Variants in OSBPL1A observed in about 807,000 individuals in gnomAD.
OSBPL1A encodes the protein oxysterol binding protein like 1A.
OSBPL1A carries 80 observed loss-of-function variants against 137.1 expected under a neutral mutation model. The ratio of observed to expected loss-of-function variants is 0.58; its 90% confidence interval spans 0.49 to 0.70. The LOEUF is 0.70. OSBPL1A is among the 30% of genes least tolerant of loss of function. OSBPL1A has a pLI of 0.00. For missense variants in OSBPL1A, 970 were observed against 1,129.4 expected (o/e 0.86, Z 2.02); for synonymous variants, 365 against 389.7 (o/e 0.94, Z 0.75).
intron 2 of OSBPL1A, among the ~76,000 whole-genome samples, chr18:24,370,135 C>T (rs1905508126): frequency 6.6e-6 from 1 of 152,184 alleles, no homozygotes; most frequent in Non-Finnish European, 1.5e-5. Context: ...GGCGGAGGAT[C>T]ACCAGAGCCC....
At chr18:24,214,403 T>C (rs1305118427) in intron 17 of OSBPL1A, among the ~76,000 whole-genome samples, 1 of 152,234 alleles carries the variant, frequency 6.6e-6, no homozygotes, top group Non-Finnish European at 1.5e-5. Flanking sequence ...AGCACACATC[T>C]ACTAACATCT....
At chr18:24,289,656 G>T (rs917880785) in intron 14 of OSBPL1A, among the ~76,000 whole-genome samples, 1 of 152,020 alleles carries the variant, frequency 6.6e-6, no homozygotes, top group African/African-American at 2.4e-5. Flanking sequence ...CCTGACCTCA[G>T]GTGATCTGCC....
rs142108890 is a variant in OSBPL1A at position 24,231,057 on chromosome 18, G to C, written c.1445-5859C>G. On this transcript the variant is annotated intron_variant, in intron 16 of 27. Transcript: ENST00000319481. ...CTTAAGCCCAGGAGTTTGAGACTGGGCAACAGAGCGAGACCCTGTCTCTCA... is the reference window on the plus strand; with the variant it reads ...CTTAAGCCCAGGAGTTTGAGACTGGCCAACAGAGCGAGACCCTGTCTCTCA... Among the ~76,000 whole-genome samples the C allele has an allele frequency of 3.3e-5, 5 of 152,232 alleles. No homozygotes were observed. In the East Asian group the frequency reaches 9.7e-4, roughly 29 times the overall value.
Position 24,395,767 on chromosome 18 carries a change from G to A in OSBPL1A, c.-3+1888C>T, listed in dbSNP as rs537732605. On this transcript the variant is annotated intron_variant, in intron 1 of 27. Coordinates refer to ENST00000319481, the MANE Select transcript of OSBPL1A (RefSeq NM_080597.4). ...CTCCCAAGTGGCTGGAATTACAGGCGCCCACTACCACGCCCGGCTAATTTT... is the reference window on the plus strand; with the variant it reads ...CTCCCAAGTGGCTGGAATTACAGGCACCCACTACCACGCCCGGCTAATTTT... Among the ~76,000 whole-genome samples, 4 of 151,720 alleles carry A rather than the reference G, an allele frequency of 2.6e-5. No individual in the cohort carries two copies. The South Asian group carries it at 6.3e-4, about 24-fold the overall frequency.
intron 12 of OSBPL1A, 65 bp from the exon 13 acceptor site, chr18:24,312,171 A>C (rs940265708): frequency 1.9e-6 from 3 of 1,584,566 alleles, no homozygotes; most frequent in Non-Finnish European, 8.6e-7. Context: ...ATAATATTAC[A>C]ATGATCTGAT....
chr18:24,196,007 C>T (rs971444613), intron 18 of OSBPL1A, 118 bp downstream of exon 18: 15 of 781,552 alleles, frequency 1.9e-5, no homozygotes, highest in African/African-American at 1.4e-4. Context: ...TTATGATTCT[C>T]GTACGTTCCC....
Position 24,341,426 on chromosome 18 carries a change from T to C in OSBPL1A, c.394+121A>G. ...TTAATCAATGACTCCAAGATGACATTATCATTAGAGCATCAGCTGGTTATC... is the reference window on the plus strand; with the variant it reads ...TTAATCAATGACTCCAAGATGACATCATCATTAGAGCATCAGCTGGTTATC... On this transcript the variant is annotated intron_variant, in intron 5 of 27. Coordinates refer to ENST00000319481, the MANE Select transcript of OSBPL1A (RefSeq NM_080597.4). 9 of 665,612 alleles carry C rather than the reference T, an allele frequency of 1.4e-5. No homozygotes were observed. In the South Asian group the frequency reaches 1.6e-4, roughly 12 times the overall value. The allele number at this position is 665,612 out of a possible 1,614,324, so 41.2% of individuals were successfully genotyped here.
chr18:24,254,186 CCAGA>C (rs1204007010), intron 15 of OSBPL1A, among the ~76,000 whole-genome samples: 1 of 152,124 alleles, frequency 6.6e-6, no homozygotes, highest in Non-Finnish European at 1.5e-5. Context: ...TGCTGGAGCA[CCAGA>C]TATATAAAGC....
chr18:24,183,451 A>C (rs2086662947), intron 18 of OSBPL1A, among the ~76,000 whole-genome samples: 1 of 138,318 alleles, frequency 7.2e-6, no homozygotes, highest in South Asian at 2.2e-4. Context: ...TTTTTTTTTG[A>C]GGCGGAGTTT....
intron 7 of OSBPL1A, among the ~76,000 whole-genome samples, chr18:24,319,207 C>G (rs2090795515): frequency 6.6e-6 from 1 of 152,190 alleles, no homozygotes; most frequent in African/African-American, 2.4e-5. Context: ...CTTCTAGCGG[C>G]CAACTACCTG....
intron 13 of OSBPL1A, among the ~76,000 whole-genome samples, chr18:24,307,158 C>T (rs1043195647): frequency 6.6e-6 from 1 of 151,876 alleles, no homozygotes; most frequent in Non-Finnish European, 1.5e-5. Context: ...TGGCACATGC[C>T]TATAGTCTCA....
chr18:24,224,903 A>T, intron 17 of OSBPL1A, 139 bp downstream of exon 17: 1 of 1,118,296 alleles, frequency 8.9e-7, no homozygotes, highest in Non-Finnish European at 1.3e-6. Context: ...TGCTTAAGTT[A>T]AATGCTTTCT....
intron 4 of OSBPL1A, among the ~76,000 whole-genome samples, chr18:24,359,609 C>G (rs1417625224): frequency 6.6e-6 from 1 of 151,646 alleles, no homozygotes; most frequent in Non-Finnish European, 1.5e-5. Flanking sequence ...CCCAGACGTT[C>G]AAGGCTGCAG....
chr18:24,334,310 TTTG>T lies in OSBPL1A; in HGVS notation c.412_414del (p.Gln138del). On this transcript the variant is annotated inframe_deletion, in exon 6 of 28. Coordinates refer to ENST00000319481, the MANE Select transcript of OSBPL1A (RefSeq NM_080597.4). ...GCTAAAAGTAATTCTTCAAGCTTTC[TTTG>T]TTGAGTCCTTTCTACAGCTGCAAAA... 2 of 1,612,066 alleles carry T rather than the reference TTTG, an allele frequency of 1.2e-6. No individual in the cohort carries two copies. The highest frequency in any genetic ancestry group is 2.2e-5 in the South Asian group (2 of 90,778).
At chr18:24,196,288 A>T in intron 17 of OSBPL1A, 88 bp from the exon 18 acceptor site, 1 of 855,780 alleles carries the variant, frequency 1.2e-6, no homozygotes, top group East Asian at 2.6e-5. Context: ...TGAGAGCTGC[A>T]GGCACAGAAA....
chr18:24,222,869 TA>T (rs2087936527), intron 17 of OSBPL1A, among the ~76,000 whole-genome samples: 1 of 152,128 alleles, frequency 6.6e-6, no homozygotes, highest in African/African-American at 2.4e-5. Flanking sequence ...TAAATTTATG[TA>T]TTTCCCAGGG....
intron 13 of OSBPL1A, 104 bp from the exon 14 acceptor site, chr18:24,303,822 C>A: frequency 4.6e-6 from 4 of 867,244 alleles, no homozygotes; most frequent in South Asian, 1.6e-5. Context: ...GATTGATATA[C>A]CATAACAGAG....
chr18:24,200,800 C>T (rs12458696), intron 17 of OSBPL1A, among the ~76,000 whole-genome samples: 3,586 of 152,048 alleles, frequency 0.024, 93 homozygotes, highest in East Asian at 0.14. Flanking sequence ...CAAGAAAATG[C>T]TAAATCTTCT....
chr18:24,301,998 G>C (rs1017844857), intron 14 of OSBPL1A, among the ~76,000 whole-genome samples: 1 of 152,134 alleles, frequency 6.6e-6, no homozygotes, highest in South Asian at 2.1e-4. Flanking sequence ...AGAGGCCAAC[G>C]CGGGTGGATC....
Sources: gnomAD v4.1 joint callset for allele counts (sites outside exome capture counted in the v4.1 genomes callset) on GRCh38, gnomAD v4.1.1 for gene constraint, MANE v1.5 for transcripts, NCBI Gene and HGNC (gene_info 2026-07-23, HGNC 2026-07-21) for gene names.